NLRP5: variants seen among roughly 807,000 people sequenced by gnomAD.
The protein encoded by NLRP5 is NACHT, LRR and PYD domains-containing protein 5.
In NLRP5, 93 loss-of-function variants were observed where a neutral mutation model predicts 113.1. The observed-to-expected ratio is 0.82, with a 90% CI of 0.70 to 0.98. The LOEUF is 0.98. NLRP5 is among the 50% of genes least tolerant of loss of function. NLRP5 has a pLI of 0.00. For synonymous variants in NLRP5, 751 were observed against 600.7 expected (o/e 1.25, Z -3.66); for missense variants, 1,808 against 1,514.3 (o/e 1.19, Z -3.22).
intron 2 of NLRP5, among the ~76,000 whole-genome samples, chr19:56,007,333 C>T (rs1164624369): frequency 1.4e-5 from 2 of 147,822 alleles, no homozygotes; most frequent in South Asian, 4.2e-4. Flanking sequence ...CGTTGCACTC[C>T]AGCCTGGGCG....
Position 56,028,010 on chromosome 19 carries a change from G to A in NLRP5, c.1777G>A (p.Ala593Thr), listed in dbSNP as rs774293395. ...CCTCAGTCTCCAGGACTTCTGTGCC[G>A]CCTTGTACTACGTGTTAGAGGGCCT... The change falls in exon 7 of 15, where the codon GCC (alanine) becomes ACC (threonine). Residue 593 changes from alanine (A) to threonine (T), a missense_variant. Transcript: ENST00000390649. 1.1e-5 allele frequency: 17 copies of A among 1,613,832 alleles called. No homozygotes were observed. The highest frequency in any genetic ancestry group is 8.0e-5 in the African/African-American group (6 of 74,910).
intron 9 of NLRP5, among the ~76,000 whole-genome samples, chr19:56,037,694 A>C (rs913144298): frequency 8.1e-3 from 346 of 42,474 alleles, no homozygotes; most frequent in Non-Finnish European, 0.011. Context: ...ACCCTGTCTC[A>C]AAAAAAAAAA....
At chr19:56,016,635 C>T (rs1185973976) in intron 4 of NLRP5, among the ~76,000 whole-genome samples, 3 of 152,160 alleles carry the variant, frequency 2.0e-5, no homozygotes, top group African/African-American at 4.8e-5. Flanking sequence ...CCTCTGGTAA[C>T]CACTGTTCTA....
intron 9 of NLRP5, among the ~76,000 whole-genome samples, chr19:56,036,356 T>G (rs1157596517): frequency 6.6e-6 from 1 of 151,406 alleles, no homozygotes; most frequent in Non-Finnish European, 1.5e-5. Flanking sequence ...CTTGAGCCAC[T>G]GCGCCTGGCT....
At chr19:56,055,633 C>T (rs1984112848) in intron 13 of NLRP5, among the ~76,000 whole-genome samples, 1 of 146,932 alleles carries the variant, frequency 6.8e-6, no homozygotes, top group Non-Finnish European at 1.5e-5. Flanking sequence ...GCAAGCTCCG[C>T]CTCCCAGGTT....
chr19:56,029,217 TGAG>T (rs1982998749), intron 7 of NLRP5, among the ~76,000 whole-genome samples: 1 of 135,150 alleles, frequency 7.4e-6, no homozygotes, highest in African/African-American at 2.7e-5. Context: ...TGAAACATGG[TGAG>T]TGAGACTGTG....
chr19:56,048,342 C>G (rs1047563327), intron 11 of NLRP5, among the ~76,000 whole-genome samples: 1 of 152,066 alleles, frequency 6.6e-6, no homozygotes, highest in African/African-American at 2.4e-5. Flanking sequence ...GTGATTTATG[C>G]TTTAAAGAGG....
chr19:56,004,831 G>T (rs1347370752), intron 2 of NLRP5, among the ~76,000 whole-genome samples: 1 of 151,948 alleles, frequency 6.6e-6, no homozygotes, highest in Admixed American at 6.6e-5. Flanking sequence ...AGTGACTCAT[G>T]GCTGTGATCC....
intron 4 of NLRP5, among the ~76,000 whole-genome samples, chr19:56,016,607 C>T (rs921318161): frequency 3.3e-5 from 5 of 152,154 alleles, no homozygotes; most frequent in Non-Finnish European, 7.3e-5. Context: ...TTTCCCGGTC[C>T]ACTCTCTGCC....
At chr19:56,052,971 C>A (rs1378994136) in intron 12 of NLRP5, among the ~76,000 whole-genome samples, 1 of 152,244 alleles carries the variant, frequency 6.6e-6, no homozygotes, top group Admixed American at 6.5e-5. Context: ...GTGGCACATG[C>A]CTGTAATCCC....
intron 6 of NLRP5, among the ~76,000 whole-genome samples, chr19:56,024,843 C>T (rs1226410886): frequency 6.6e-6 from 1 of 152,066 alleles, no homozygotes; most frequent in Non-Finnish European, 1.5e-5. Flanking sequence ...GGGTCCCCAA[C>T]CCCCAGGCCA....
upstream of NLRP5, among the ~76,000 whole-genome samples, chr19:55,996,560 C>G (rs1048467307): frequency 1.3e-5 from 2 of 152,092 alleles, no homozygotes; most frequent in Non-Finnish European, 2.9e-5. Context: ...TTGTTCAGTT[C>G]CCACCTATGA....
chr19:56,033,350 G>T (rs568068234), intron 8 of NLRP5, among the ~76,000 whole-genome samples, 192 bp from the exon 9 acceptor site: 1 of 152,240 alleles, frequency 6.6e-6, no homozygotes, highest in South Asian at 2.1e-4. Flanking sequence ...CCCAAGGCAG[G>T]GATTGTTAAT....
chr19:55,993,198 G>C, the NLRP5 span, among the ~76,000 whole-genome samples: 1 of 151,628 alleles, frequency 6.6e-6, no homozygotes, highest in Non-Finnish European at 1.5e-5. Flanking sequence ...CAAATCAGGG[G>C]ACTTAGCATA....
At chr19:56,061,005 T>C (rs963535270) in intron 14 of NLRP5, among the ~76,000 whole-genome samples, 9 of 146,516 alleles carry the variant, frequency 6.1e-5, no homozygotes, top group Middle Eastern at 3.5e-3. Flanking sequence ...AGAAAGTCAC[T>C]GGGCATGCAT....
chr19:56,014,386 A>G (rs1982325882), intron 3 of NLRP5, among the ~76,000 whole-genome samples: 1 of 151,782 alleles, frequency 6.6e-6, no homozygotes, highest in Non-Finnish European at 1.5e-5. Flanking sequence ...AGAGTGAGGC[A>G]GGGGAATCGC....
chr19:56,033,667 G>A lies in NLRP5; in HGVS notation c.2573G>A (p.Cys858Tyr). ...AAGGAAGAGGATGTAAGGATGGCGT[G>A]TGAAGCCTTAAAACACCCAAAATGT... Residue 858 changes from cysteine (C) to tyrosine (Y), a missense_variant, in exon 9 of 15, where the codon TGT becomes TAT. Physicochemically the swap from Cys to Tyr is radical, Grantham distance 194. Transcript: ENST00000390649. 6.2e-7 allele frequency: 1 copy of A among 1,613,888 alleles called. No individual in the cohort carries two copies. Among genetic ancestry groups the A allele is most frequent in the East Asian group, 2.2e-5 (1 of 44,864 alleles).
Position 56,061,711 on chromosome 19 carries a change from G to A in NLRP5, c.*183G>A. On this transcript the variant is annotated 3_prime_UTR_variant, in exon 15 of 15. Coordinates refer to ENST00000390649, the MANE Select transcript of NLRP5 (RefSeq NM_153447.4). ...CTCTACGTTGGTTACTGGATTTGAA[G>A]GCTAGAGACCTTCAAGTCATAGGAC... is the stretch of plus-strand genomic sequence containing the variant. 3 of 648,348 alleles carry A rather than the reference G, an allele frequency of 4.6e-6. No homozygotes were observed. Among genetic ancestry groups the A allele is most frequent in the Non-Finnish European group, 7.9e-6 (3 of 378,262 alleles). The allele number at this position is 648,348 out of a possible 1,614,324, so 40.2% of individuals were successfully genotyped here. A position where few individuals can be genotyped will look rare whatever the true frequency, so the allele number is the denominator to read the frequency against.
chr19:55,992,518 C>A, the NLRP5 span, among the ~76,000 whole-genome samples: 4 of 152,156 alleles, frequency 2.6e-5, no homozygotes, highest in East Asian at 7.7e-4. Flanking sequence ...TTCCTGCAAC[C>A]TCAGCAGCGT....
Sources: allele counts gnomAD v4.1 joint callset (sites outside exome capture counted in the v4.1 genomes callset), GRCh38; gene constraint gnomAD v4.1.1; transcripts MANE v1.5; gene names NCBI Gene and HGNC (gene_info 2026-07-23, HGNC 2026-07-21).